Variants in TTN observed in about 807,000 individuals in gnomAD.
TTN encodes the protein titin, also known as connectin.
A neutral mutation model predicts 3,223.0 loss-of-function variants in TTN; 1,525 were observed. The observed-to-expected ratio is 0.47, with a 90% confidence interval of 0.45 to 0.49. The LOEUF is 0.49. Among genes scored for constraint, TTN ranks in the 20% least tolerant of loss-of-function variants. The probability of loss-of-function intolerance (pLI) is 0.00; values close to 1 mark genes in which losing one functional copy is unlikely to be tolerated. For missense variants in TTN, 40,786 were observed against 43,424.0 expected, an observed-to-expected ratio of 0.94 and a Z score of 5.40; for synonymous variants, 14,094 against 15,161.0, an observed-to-expected ratio of 0.93 and a Z score of 5.17.
At chr2:178,687,282 G>A (rs563495151) in intron 127 of TTN, among the ~76,000 whole-genome samples, 3 of 152,182 alleles carry the variant, frequency 2.0e-5, no homozygotes, top group South Asian at 4.1e-4. Flanking sequence ...TCTTAGGAAA[G>A]TTCTTTTGGC....
rs1199010062 is a variant in TTN at position 178,583,763 on chromosome 2, A to G, written c.65419T>C (p.Cys21807Arg). Residue 21807 changes from cysteine (C) to arginine (R), a missense_variant, in exon 312 of 363, where the codon TGC becomes CGC. Cys to Arg is a radical substitution (Grantham distance 180). Transcript: ENST00000589042. ...CKLPGDKWVR[C>R]NTAPHQIPQE... ...GGAATCTGGTGAGGTGCAGTATTGC[A>G]CCGTACCCATTTATCACCAGGAAGT... The G allele has an allele frequency of 3.7e-6, 6 of 1,611,470 alleles. 1 individual carries two copies. In the African/African-American group the frequency reaches 5.3e-5, roughly 14 times the overall value.
chr2:178,569,809 A>G lies in TTN; in HGVS notation c.76323T>C (p.Ile25441=), dbSNP rs774048516. The stretch of plus-strand genomic sequence containing the variant: ...CAACACTCACATCACATTTTTCAAC[A>G]ATGTATCCTTGAATTTCACAGCCAC... ...YDGGCEIQGY[I]VEKCDVSVGE... The change falls in exon 326 of 363, where the codon ATT becomes ATC. Residue 25441 remains isoleucine, a synonymous_variant. Coordinates refer to ENST00000589042, the MANE Select transcript of TTN (RefSeq NM_001267550.2). The G allele has an allele frequency of 6.2e-7, 1 of 1,613,390 alleles. No homozygotes were observed. The highest frequency in any genetic ancestry group is 2.2e-5 in the East Asian group (1 of 44,818).
At chr2:178,801,536 T>C (rs1213922242) in intron 3 of TTN, among the ~76,000 whole-genome samples, 1 of 152,246 alleles carries the variant, frequency 6.6e-6, no homozygotes, top group Non-Finnish European at 1.5e-5. Flanking sequence ...TGTAAGATAT[T>C]GTTATAAAAC....
chr2:178,677,660 G>T lies in TTN; in HGVS notation c.34252C>A (p.Leu11418Ile). Residue 11418 changes from leucine (L) to isoleucine (I), a missense_variant, in exon 146 of 363, where the codon CTT (leucine) becomes ATT (isoleucine). Leu to Ile is a conservative substitution (Grantham distance 5). Transcript: ENST00000589042. ...GGCACCTTAGGTTTAACTTCTGGAA[G>T]GACTTCTTCTTCAGGTACAAATTCT... ...EEEFVPEEEV[L>I]PEVKPKVPVP... is the part of the protein sequence containing the mutation. The T allele has an allele frequency of 6.2e-7, 1 of 1,611,944 alleles. No individual in the cohort carries two copies. Among genetic ancestry groups the T allele is most frequent in the Non-Finnish European group, 8.5e-7 (1 of 1,178,798 alleles).
Position 178,557,780 on chromosome 2 carries a change from C to A in TTN, c.87574G>T (p.Val29192Phe). 1.2e-6 allele frequency: 2 copies of A among 1,613,966 alleles called. No individual in the cohort carries two copies. The highest frequency in any genetic ancestry group is 1.7e-6 in the Non-Finnish European group (2 of 1,179,846). ...ATGACTTTCATCATGGTTCTTGCAA[C>A]TGTTGCAGACACTTCAGTCCACACT... ...TAVWTEVSAT[V>F]ARTMMKVMKL... Residue 29192 changes from valine (V) to phenylalanine (F), a missense_variant, in exon 328 of 363, where the codon GTT (valine) becomes TTT (phenylalanine). Physicochemically the swap from Val to Phe is conservative, Grantham distance 50 (BLOSUM62 -1). Coordinates refer to ENST00000589042, the MANE Select transcript of TTN (RefSeq NM_001267550.2).
chr2:178,599,065 G>A lies in TTN; in HGVS notation c.56648-3C>T. 1 of 1,535,144 alleles carries A rather than the reference G, an allele frequency of 6.5e-7. No individual in the cohort carries two copies. The highest frequency in any genetic ancestry group is 8.7e-7 in the Non-Finnish European group (1 of 1,146,034). On this transcript the variant is annotated splice_region_variant and splice_polypyrimidine_tract_variant and intron_variant, in intron 290 of 362. Transcript: ENST00000589042. ...TTTATCTGGTGCTCCAGGGACAGCT[G>A]TGAAAAAGATCATATTGATTATAAG...
At chr2:178,648,265 T>C in intron 213 of TTN, among the ~76,000 whole-genome samples, 1 of 152,106 alleles carries the variant, frequency 6.6e-6, no homozygotes, top group East Asian at 1.9e-4. Context: ...GTATTATCTT[T>C]CAAGACATTC....
chr2:178,551,257 G>T lies in TTN; in HGVS notation c.91274C>A (p.Pro30425Gln), dbSNP rs1373323809. 1.2e-6 allele frequency: 2 copies of T among 1,607,038 alleles called. No individual in the cohort carries two copies. ...ATCAATGTAGTCAGGAGTGCCAGGTGGGTCTAAAAAATTATAAGGAAGGTA... is the reference window on the plus strand; with the variant it reads ...ATCAATGTAGTCAGGAGTGCCAGGTTGGTCTAAAAAATTATAAGGAAGGTA... ...KFTLAVSPVD[P>Q]PGTPDYIDVT... is the part of the protein sequence containing the mutation. The change falls in exon 336 of 363, where the codon CCA becomes CAA. Residue 30425 changes from proline (P) to glutamine (Q), a missense_variant. Pro to Gln is a moderately conservative substitution (Grantham distance 76). Transcript: ENST00000589042.
At chr2:178,674,502 A>G (rs2067628435) in intron 150 of TTN, 93 bp from the exon 151 acceptor site, 2 of 734,604 alleles carry the variant, frequency 2.7e-6, no homozygotes, top group Non-Finnish European at 4.2e-6. Context: ...CAGCCTTCGA[A>G]ACGCTTGTGT....
intron 220 of TTN, among the ~76,000 whole-genome samples, chr2:178,640,945 C>A (rs1040380077): frequency 2.0e-5 from 3 of 151,866 alleles, no homozygotes; most frequent in African/African-American, 7.2e-5. Flanking sequence ...GATTATGAAA[C>A]CTTTGCTGAC....
rs1399743496 is a variant in TTN, at chr2:178,575,925, G to A, written c.70207C>T (p.Pro23403Ser). The A allele has an allele frequency of 6.2e-7, 1 of 1,613,316 alleles. No homozygotes were observed. Among genetic ancestry groups the A allele is most frequent in the Non-Finnish European group, 8.5e-7 (1 of 1,179,488 alleles). Residue 23403 changes from proline to serine, a missense_variant, in exon 326 of 363, where the codon CCA becomes TCA. Coordinates refer to ENST00000589042, the MANE Select transcript of TTN (RefSeq NM_001267550.2). This position sits in a 1 kb window ranked among gnomAD's most constrained non-coding sequence, Gnocchi z 4.0. ...CCGGTATCATATCTGTTACATTCTG[G>A]GATAATCAGAAGAGTAAATGATTCC... is the stretch of plus-strand genomic sequence containing the variant. ...NTESFTLLII[P>S]ECNRYDTGKF...
chr2:178,567,938 A>G lies in TTN; in HGVS notation c.78194T>C (p.Val26065Ala). ...LEEGIEYEFRVYAENIVGVGK... is the reference protein window; with the variant it reads ...LEEGIEYEFRAYAENIVGVGK... The stretch of plus-strand genomic sequence containing the variant: ...TACACCAACAATATTTTCAGCATAC[A>G]CTCTGAATTCATATTCAATGCCTTC... The change falls in exon 326 of 363, where the codon GTG (valine) becomes GCG (alanine). Residue 26065 changes from valine (V) to alanine (A), a missense_variant. Coordinates refer to ENST00000589042, the MANE Select transcript of TTN (RefSeq NM_001267550.2). 1.9e-6 allele frequency: 3 copies of G among 1,613,332 alleles called. No individual in the cohort carries two copies. The South Asian group carries it at 3.3e-5, about 18-fold the overall frequency.
At position 178,602,608 on chromosome 2, in the gene TTN, A is replaced by G. The variant is rs561458732; in HGVS notation, c.54812-18T>C. The stretch of plus-strand genomic sequence containing the variant: ...CGGTGGAACTAATAACAAAAGAAAA[A>G]AAAAAGCTTCATCAGATTTTGAAGC... On this transcript the variant is annotated intron_variant, in intron 282 of 362. Coordinates refer to ENST00000589042, the MANE Select transcript of TTN (RefSeq NM_001267550.2). The G allele has an allele frequency of 2.7e-6, 4 of 1,465,690 alleles. No individual in the cohort carries two copies. The highest frequency in any genetic ancestry group is 5.8e-5 in the Admixed American group (2 of 34,362). 90.8% of individuals were successfully genotyped at this position (1,465,690 alleles called of 1,614,324 possible).
In TTN at chr2:178,681,115, G is replaced by A. The variant is rs750959940; in HGVS notation, c.33304C>T (p.Arg11102Cys). The change falls in exon 138 of 363, where the codon CGT (arginine) becomes TGT (cysteine). Residue 11102 changes from arginine (R) to cysteine (C), a missense_variant. Transcript: ENST00000589042. ...EEKIRISITK[R>C]EKEQVTEPAA... ...GGTTCAGTCACCTGCTCTTTTTCAC[G>A]TTTGGTAATTGAAATACGTATTTTT... 6.2e-6 allele frequency: 10 copies of A among 1,603,672 alleles called. No homozygotes were observed. Among genetic ancestry groups the A allele is most frequent in the Admixed American group, 1.7e-5 (1 of 57,846 alleles).
Position 178,557,117 on chromosome 2 carries a change from T to A in TTN, c.88037A>T (p.Asp29346Val), listed in dbSNP as rs374741129. 39 of 1,613,578 alleles carry A rather than the reference T, an allele frequency of 2.4e-5. No individual in the cohort carries two copies. Among genetic ancestry groups the A allele is most frequent in the Non-Finnish European group, 3.2e-5 (38 of 1,179,772 alleles). Reference protein sequence around the residue: ...CEPPRNVRITDISKNSVSLSW... With the variant: ...CEPPRNVRITVISKNSVSLSW... The stretch of plus-strand genomic sequence containing the variant: ...AAGGCTGACAGAGTTCTTTGAAATA[T>A]CAGTGATACGAACATTTCTTGGGGG... The change falls in exon 330 of 363, where the codon GAT becomes GTT. Residue 29346 changes from aspartate (D) to valine (V), a missense_variant. By Grantham distance (152) the Asp-to-Val change is radical. Coordinates refer to ENST00000589042, the MANE Select transcript of TTN (RefSeq NM_001267550.2).
Position 178,592,903 on chromosome 2 carries a change from T to G in TTN, c.59216A>C (p.Glu19739Ala). Reference protein sequence around the residue: ...RANHTPESCPETKYKVTGLRD... With the variant: ...RANHTPESCPATKYKVTGLRD... ...AAGACCGGTGACTTTATATTTAGTT[T>G]CAGGACATGACTCAGGGGTGTGATT... The change falls in exon 300 of 363, where the codon GAA (glutamate) becomes GCA (alanine). Residue 19739 changes from glutamate (E) to alanine (A), a missense_variant. Transcript: ENST00000589042. The G allele has an allele frequency of 6.2e-7, 1 of 1,613,518 alleles. No individual in the cohort carries two copies. Among genetic ancestry groups the G allele is most frequent in the Non-Finnish European group, 8.5e-7 (1 of 1,179,584 alleles).
intron 243 of TTN, 56 bp from the exon 244 acceptor site, chr2:178,622,064 C>T (rs2058375766): frequency 1.3e-6 from 2 of 1,491,438 alleles, no homozygotes; most frequent in South Asian, 1.3e-5. Context: ...ACACAGGTGT[C>T]CTTAAGAAAA....
At chr2:178,675,564 GAA>G in intron 149 of TTN, 105 bp downstream of exon 149, 1 of 893,438 alleles carries the variant, frequency 1.1e-6, no homozygotes, top group Non-Finnish European at 1.5e-6. Flanking sequence ...TGACGAATGT[GAA>G]TGACAGACCA....
chr2:178,802,097 C>T (rs2094095845), intron 3 of TTN, 41 bp downstream of exon 3: 8 of 1,613,036 alleles, frequency 5.0e-6, no homozygotes, highest in East Asian at 2.2e-5. Context: ...TGGAGATGTC[C>T]TCTGGGGGAG....
Sources: gnomAD v4.1 joint callset for allele counts (sites outside exome capture counted in the v4.1 genomes callset) on GRCh38, gnomAD v4.1.1 for gene constraint, Gnocchi (gnomAD v3.1) non-coding constraint, MANE v1.5 for transcripts, NCBI Gene and HGNC (gene_info 2026-07-23, HGNC 2026-07-21) for gene names.